PCM1: variants seen among roughly 807,000 people sequenced by gnomAD.
PCM1 encodes the protein pericentriolar material 1 protein.
PCM1 carries 157 observed loss-of-function variants against 241.9 expected under a neutral mutation model. The observed-to-expected ratio is 0.65, with a 90% CI of 0.57 to 0.74. PCM1 has a LOEUF of 0.74. Among genes scored for constraint, PCM1 ranks in the 30% least tolerant of loss-of-function variants. The pLI is 0.00. For missense variants in PCM1, 3,478 were observed against 2,360.1 expected, an observed-to-expected ratio of 1.47 and a Z score of -9.81; for synonymous variants, 1,085 against 784.9, an observed-to-expected ratio of 1.38 and a Z score of -6.39.
At chr8:17,924,845 A>T (rs895201978) in intron 2 of PCM1, 65 bp downstream of exon 2, 1 of 152,218 alleles carries the variant, frequency 6.6e-6, no homozygotes, top group African/African-American at 2.4e-5. Context: ...TATGGTGGAC[A>T]CTGCTGTCAC....
chr8:17,948,851 T>C (rs1159446260), intron 7 of PCM1, among the ~76,000 whole-genome samples: 1 of 152,196 alleles, frequency 6.6e-6, no homozygotes, highest in African/African-American at 2.4e-5. Context: ...AAGCTTTCCT[T>C]TGGTAGTTAA....
chr8:17,955,719 T>TTTTA, intron 10 of PCM1, 66 bp downstream of exon 10: 3 of 1,251,512 alleles, frequency 2.4e-6, no homozygotes, highest in Middle Eastern at 2.6e-4. Context: ...TTTTTTTTTT[T>TTTTA]ATGTTGAAAA....
In PCM1 at chr8:18,029,287, A is replaced by G. The variant is rs1004428800; in HGVS notation, c.*1625A>G. 5 of 217,952 alleles carry G rather than the reference A, an allele frequency of 2.3e-5. No homozygotes were observed. The highest frequency in any genetic ancestry group is 1.8e-4 in the South Asian group (1 of 5,406). The allele number at this position is 217,952 out of a possible 1,614,324, so 13.5% of individuals were successfully genotyped here. ...ATTGCTACTTAAATTATGGAAGACA[A>G]TATATCTTCAACTTTAATAAAACCT... On this transcript the variant is annotated 3_prime_UTR_variant, in exon 39 of 39. Coordinates refer to ENST00000325083, the MANE Select transcript of PCM1 (RefSeq NM_006197.4).
At chr8:17,936,724 A>G (rs2060539903) in intron 3 of PCM1, among the ~76,000 whole-genome samples, 1 of 152,162 alleles carries the variant, frequency 6.6e-6, no homozygotes, top group Non-Finnish European at 1.5e-5. Context: ...TAGGTTTAGA[A>G]CCTAGGTTGA....
In PCM1 at chr8:17,956,785, CT is replaced by C. The variant is rs1185237100; in HGVS notation, c.1646+12del. Reference sequence around the variant, plus strand: ...GCCTGTTACTAACATTCGGTAAGAACTTTTCTGGGGATGTTTTTCCAGCATA... The same window carrying C: ...GCCTGTTACTAACATTCGGTAAGAACTTTCTGGGGATGTTTTTCCAGCATA... On this transcript the variant is annotated intron_variant, in intron 11 of 38. Transcript: ENST00000325083. The C allele has an allele frequency of 6.3e-7, 1 of 1,598,330 alleles. No homozygotes were observed. The highest frequency in any genetic ancestry group is 1.1e-5 in the South Asian group (1 of 89,242).
At position 17,985,142 on chromosome 8, in the gene PCM1, C is replaced by T. The variant is rs552732279; in HGVS notation, c.4109-305C>T. ...TGTTGAAAGATTTTCACTGATTTTT[C>T]CTATAAAATGTATAATATTTTCTGT... is the stretch of plus-strand genomic sequence containing the variant. On this transcript the variant is annotated intron_variant, in intron 24 of 38. Coordinates refer to ENST00000325083, the MANE Select transcript of PCM1 (RefSeq NM_006197.4). Among the ~76,000 whole-genome samples, 6 of 151,738 alleles carry T rather than the reference C, an allele frequency of 4.0e-5. No individual in the cohort carries two copies. The East Asian group carries it at 1.2e-3, about 29-fold the overall frequency.
intron 25 of PCM1, 117 bp from the exon 26 acceptor site, chr8:17,985,842 T>C: frequency 1.3e-6 from 1 of 776,338 alleles, no homozygotes; most frequent in East Asian, 2.8e-5. Context: ...ACTTAACCTG[T>C]GAGGGTAGAA....
At chr8:17,979,945 AAC>A in intron 23 of PCM1, among the ~76,000 whole-genome samples, 1 of 152,172 alleles carries the variant, frequency 6.6e-6, no homozygotes, top group East Asian at 1.9e-4. Context: ...AGCTAAGTTG[AAC>A]ACATAAATGT....
chr8:17,990,572 T>A (rs773271638), intron 27 of PCM1, among the ~76,000 whole-genome samples: 4 of 150,342 alleles, frequency 2.7e-5, no homozygotes, highest in Non-Finnish European at 4.4e-5. Flanking sequence ...AAAATTCGAG[T>A]CCTAGACTTG....
intron 2 of PCM1, chr8:17,926,520 G>A (rs1013422984): frequency 6.6e-6 from 1 of 152,194 alleles, no homozygotes; most frequent in Middle Eastern, 3.2e-3. Flanking sequence ...GTAGAGTGTA[G>A]TATATCTTAA....
chr8:17,962,905 A>G (rs2073142920), intron 16 of PCM1, 196 bp from the exon 17 acceptor site: 3 of 417,778 alleles, frequency 7.2e-6, no homozygotes, highest in African/African-American at 2.1e-5. Context: ...TCTGTCTCAA[A>G]AAAAAAAAAA....
chr8:17,949,983 T>TTCAA (rs1460141917), intron 7 of PCM1, among the ~76,000 whole-genome samples: 1 of 152,154 alleles, frequency 6.6e-6, no homozygotes, highest in African/African-American at 2.4e-5. Context: ...AAACAGCCAC[T>TTCAA]TCAATAAATT....
chr8:17,991,421 G>T, intron 27 of PCM1, 121 bp from the exon 28 acceptor site: 1 of 721,346 alleles, frequency 1.4e-6, no homozygotes, highest in Non-Finnish European at 2.3e-6. Context: ...ATAGTGTGTA[G>T]AACTTGTTAA....
intron 4 of PCM1, 146 bp downstream of exon 4, chr8:17,937,525 TG>T: frequency 1.5e-6 from 1 of 669,464 alleles, no homozygotes; most frequent in Non-Finnish European, 2.4e-6. Flanking sequence ...TTTTAATCAC[TG>T]GGGATGGTCC....
Position 18,010,600 on chromosome 8 carries a change from G to C in PCM1, c.5161-9G>C. On this transcript the variant is annotated splice_polypyrimidine_tract_variant and intron_variant, in intron 31 of 38. Transcript: ENST00000325083. The stretch of plus-strand genomic sequence containing the variant: ...TTGCTAAATTCTGTGTAATTGATTT[G>C]TTTTAAAGGCTAAAAGGATTCTTGA... The C allele has an allele frequency of 6.3e-7, 1 of 1,586,694 alleles. No individual in the cohort carries two copies. The highest frequency in any genetic ancestry group is 2.3e-5 in the East Asian group (1 of 44,198).
Position 17,993,425 on chromosome 8 carries a change from C to T in PCM1, c.4691-58C>T, listed in dbSNP as rs75645272. The T allele has an allele frequency of 6.9e-3, 7,947 of 1,157,838 alleles. 130 individuals are homozygous for T. Among genetic ancestry groups the T allele is most frequent in the East Asian group, 0.057 (2,136 of 37,314 alleles). 71.7% of individuals were successfully genotyped at this position (1,157,838 alleles called of 1,614,324 possible). ...TATTTTTCAAATTTCAACATAAAGGCATATATGTATATATAATAGGCTTTG... is the reference window on the plus strand; with the variant it reads ...TATTTTTCAAATTTCAACATAAAGGTATATATGTATATATAATAGGCTTTG... On this transcript the variant is annotated intron_variant, in intron 28 of 38. Coordinates refer to ENST00000325083, the MANE Select transcript of PCM1 (RefSeq NM_006197.4).
intron 28 of PCM1, 103 bp from the exon 29 acceptor site, chr8:17,993,380 C>A: frequency 1.3e-6 from 1 of 741,710 alleles, no homozygotes; most frequent in Non-Finnish European, 2.0e-6. Context: ...ATTATGTTAG[C>A]ATAAAATCAT....
chr8:17,960,070 C>G lies in PCM1; in HGVS notation c.2097C>G (p.Phe699Leu). The G allele has an allele frequency of 6.2e-7, 1 of 1,611,896 alleles. No individual in the cohort carries two copies. The highest frequency in any genetic ancestry group is 8.5e-7 in the Non-Finnish European group (1 of 1,178,804). Residue 699 changes from phenylalanine (F) to leucine (L), a missense_variant, in exon 14 of 39, where the codon TTC becomes TTG. Physicochemically the swap from Phe to Leu is conservative, Grantham distance 22 (BLOSUM62 0). Coordinates refer to ENST00000325083, the MANE Select transcript of PCM1 (RefSeq NM_006197.4). ...CCAGTGCATCAAATTTGGATGATTT[C>G]TACCCAGCAGAAGAAGACACCAAGC... ...ISASASNLDD[F>L]YPAEEDTKQN...
intron 24 of PCM1, chr8:17,983,413 A>T (rs905462941): frequency 4.2e-5 from 14 of 332,262 alleles, no homozygotes; most frequent in Non-Finnish European, 7.4e-5. Flanking sequence ...TTATGTGACT[A>T]TTGTAAAAGA....
Sources: allele counts gnomAD v4.1 joint callset (sites outside exome capture counted in the v4.1 genomes callset), GRCh38; gene constraint gnomAD v4.1.1; transcripts MANE v1.5; gene names NCBI Gene and HGNC (gene_info 2026-07-23, HGNC 2026-07-21).